Variants in GALNT18 observed in about 807,000 individuals in gnomAD.
GALNT18 encodes the protein polypeptide N-acetylgalactosaminyltransferase 18.
GALNT18 carries 44 observed loss-of-function variants against 69.5 expected under a neutral mutation model. The ratio of observed to expected loss-of-function variants is 0.63; its 90% CI spans 0.50 to 0.81. The LOEUF (loss-of-function observed/expected upper bound fraction) is 0.81. Among genes scored for constraint, GALNT18 ranks in the 40% least tolerant of loss-of-function variants. The pLI is 0.00. For synonymous variants in GALNT18, 364 were observed against 318.2 expected, an observed-to-expected ratio of 1.14 and a Z score of -1.53; for missense variants, 715 against 810.0, an observed-to-expected ratio of 0.88 and a Z score of 1.42.
chr11:11,337,309 C>A lies in GALNT18; in HGVS notation c.1278+3510G>T, dbSNP rs989346431. On this transcript the variant is annotated intron_variant, in intron 7 of 10. Transcript: ENST00000227756. The surrounding 1 kb of genome is among the most constrained non-coding windows in gnomAD (Gnocchi z 4.9). The stretch of plus-strand genomic sequence containing the variant: ...GGCGTCACCAAGCTCTTACCATGCG[C>A]CCTGCCTTGTGCTAGATATAATGAC... Among the ~76,000 whole-genome samples, 1 of 152,196 alleles carries A rather than the reference C, an allele frequency of 6.6e-6. No individual in the cohort carries two copies. Among genetic ancestry groups the A allele is most frequent in the Non-Finnish European group, 1.5e-5 (1 of 68,038 alleles).
intron 2 of GALNT18, among the ~76,000 whole-genome samples, chr11:11,446,572 G>A (rs1293560926): frequency 6.6e-6 from 1 of 152,044 alleles, no homozygotes; most frequent in African/African-American, 2.4e-5. Context: ...TGTGGACTGA[G>A]GCCCCATGAC....
intron 1 of GALNT18, among the ~76,000 whole-genome samples, chr11:11,509,720 C>T (rs1857132534): frequency 6.6e-6 from 1 of 152,244 alleles, no homozygotes; most frequent in Non-Finnish European, 1.5e-5. Flanking sequence ...TGTGCCTAGC[C>T]ACTGGCAGAG....
At chr11:11,484,239 A>G (rs903861683) in intron 1 of GALNT18, among the ~76,000 whole-genome samples, 2 of 152,098 alleles carry the variant, frequency 1.3e-5, no homozygotes, top group Admixed American at 1.3e-4. Context: ...AAATGCAACA[A>G]GCCTACTGCT....
intron 9 of GALNT18, among the ~76,000 whole-genome samples, chr11:11,307,170 G>GA (rs60401000): frequency 0.65 from 98,250 of 151,026 alleles, 32,512 homozygotes; most frequent in Admixed American, 0.77. Context: ...CTGCTCTCAG[G>GA]AAAAAAAAAT....
chr11:11,554,184 G>A (rs1035976057), intron 1 of GALNT18, among the ~76,000 whole-genome samples: 1 of 152,152 alleles, frequency 6.6e-6, no homozygotes, highest in Admixed American at 6.5e-5. Flanking sequence ...CACCTGTGAG[G>A]ACAGCAATGT....
chr11:11,522,255 ACT>A (rs910647685), intron 1 of GALNT18, among the ~76,000 whole-genome samples: 3 of 151,788 alleles, frequency 2.0e-5, no homozygotes, highest in African/African-American at 7.3e-5. Flanking sequence ...TGCCCTACAA[ACT>A]CTATGCCCCA....
rs1347701248 is a variant in GALNT18 at position 11,459,906 on chromosome 11, C to G, written c.236-10970G>C. ...GGTGTTGGTAGGGCCATTCTCCTTT[C>G]TGGAAGCTCTGGAGGAGAGATTCTG... is the stretch of plus-strand genomic sequence containing the variant. On this transcript the variant is annotated intron_variant, in intron 1 of 10. Transcript: ENST00000227756. The surrounding 1 kb of genome is among the most constrained non-coding windows in gnomAD (Gnocchi z 5.0). 6.6e-6 allele frequency among the ~76,000 whole-genome samples: 1 copy of G among 152,190 alleles called. No homozygotes were observed. Among genetic ancestry groups the G allele is most frequent in the Non-Finnish European group, 1.5e-5 (1 of 68,038 alleles).
At chr11:11,557,043 C>A (rs1273654674) in intron 1 of GALNT18, among the ~76,000 whole-genome samples, 1 of 152,186 alleles carries the variant, frequency 6.6e-6, no homozygotes, top group Non-Finnish European at 1.5e-5. Context: ...TGGGTCTTTC[C>A]TAGACAGTCT....
rs1158644202 is a variant in GALNT18 at position 11,564,219 on chromosome 11, A to G, written c.235+57140T>C. Among the ~76,000 whole-genome samples the G allele has an allele frequency of 6.6e-6, 1 of 152,226 alleles. No individual in the cohort carries two copies. The highest frequency in any genetic ancestry group is 1.9e-4 in the East Asian group (1 of 5,194). On this transcript the variant is annotated intron_variant, in intron 1 of 10. Transcript: ENST00000227756. The surrounding 1 kb of genome is among the most constrained non-coding windows in gnomAD (Gnocchi z 4.3). The stretch of plus-strand genomic sequence containing the variant: ...ACGTGTGACTGCAAGTCCCGGGTCC[A>G]TAACCACTGTGCTATACTGCCTTCA...
At position 11,292,946 on chromosome 11, in the gene GALNT18, C is replaced by T. The variant is rs1849328797; in HGVS notation, c.1677+83G>A. On this transcript the variant is annotated intron_variant, in intron 10 of 10. Transcript: ENST00000227756. ...TGTCTCTCCTTCCCCTTCCCCTCTC[C>T]TCCACCACCTCCCTGGCCCCTGAGG... 3 of 1,261,236 alleles carry T rather than the reference C, an allele frequency of 2.4e-6. No homozygotes were observed. In the Admixed American group the frequency reaches 9.2e-5, roughly 38 times the overall value. The allele number at this position is 1,261,236 out of a possible 1,614,324, so 78.1% of individuals were successfully genotyped here.
chr11:11,580,912 T>A (rs1859063595), intron 1 of GALNT18, among the ~76,000 whole-genome samples: 1 of 152,220 alleles, frequency 6.6e-6, no homozygotes, highest in African/African-American at 2.4e-5. Flanking sequence ...ACTTTTGTAA[T>A]CTCCACCGTC....
At chr11:11,401,200 C>G (rs972956077) in intron 3 of GALNT18, among the ~76,000 whole-genome samples, 2 of 152,172 alleles carry the variant, frequency 1.3e-5, no homozygotes, top group Non-Finnish European at 2.9e-5. Context: ...TTTGCAAACC[C>G]AGAAGAGAAT....
At chr11:11,326,898 A>C (rs1849931131) in intron 9 of GALNT18, among the ~76,000 whole-genome samples, 188 bp downstream of exon 9, 1 of 152,130 alleles carries the variant, frequency 6.6e-6, no homozygotes, top group South Asian at 2.1e-4. Context: ...CTTCCAGGCA[A>C]GGCAGGTGTG....
At position 11,620,330 on chromosome 11, in the gene GALNT18, CGCGTGTGTGTGT is replaced by C. The variant is rs1202143005; in HGVS notation, c.235+1017_235+1028del. On this transcript the variant is annotated intron_variant, in intron 1 of 10. Coordinates refer to ENST00000227756, the MANE Select transcript of GALNT18 (RefSeq NM_198516.3). This position sits in a 1 kb window ranked among gnomAD's most constrained non-coding sequence, Gnocchi z 6.9. Reference sequence around the variant, plus strand: ...GTGTGGACGTGAGCGCGCGCGCGCGCGCGTGTGTGTGTGTGTGTGCACACCCGGCACCAGTGC... The same window carrying C: ...GTGTGGACGTGAGCGCGCGCGCGCGCGTGTGTGCACACCCGGCACCAGTGC... 2.3e-5 allele frequency among the ~76,000 whole-genome samples: 3 copies of C among 130,846 alleles called. No homozygotes were observed. Among genetic ancestry groups the C allele is most frequent in the African/African-American group, 8.1e-5 (3 of 37,206 alleles). The allele number at this position is 130,846 out of a possible 152,430, so 85.8% of individuals were successfully genotyped here. A position where few individuals can be genotyped will look rare whatever the true frequency, so the allele number is the denominator to read the frequency against.
rs1858529896 is a variant in GALNT18, at chr11:11,562,314, T to C, written c.235+59045A>G. On this transcript the variant is annotated intron_variant, in intron 1 of 10. Coordinates refer to ENST00000227756, the MANE Select transcript of GALNT18 (RefSeq NM_198516.3). The surrounding 1 kb of genome is among the most constrained non-coding windows in gnomAD (Gnocchi z 4.1). ...TTCATATGCCCCTAGTGTGTGTCTG[T>C]CTGCGTGTCCATGTTTCCCCTTTAG... 6.6e-6 allele frequency among the ~76,000 whole-genome samples: 1 copy of C among 152,170 alleles called. No individual in the cohort carries two copies. The highest frequency in any genetic ancestry group is 2.4e-5 in the African/African-American group (1 of 41,440).
At chr11:11,368,929 A>T (rs954323994) in intron 6 of GALNT18, among the ~76,000 whole-genome samples, 1 of 151,556 alleles carries the variant, frequency 6.6e-6, no homozygotes, top group African/African-American at 2.4e-5. Context: ...ATTCCTTAAA[A>T]CTCTCCCTGT....
At chr11:11,495,646 AC>A (rs1182464903) in intron 1 of GALNT18, among the ~76,000 whole-genome samples, 1 of 152,236 alleles carries the variant, frequency 6.6e-6, no homozygotes, top group Non-Finnish European at 1.5e-5. Context: ...AAGCAGTAAC[AC>A]CCAGAAAGAG....
intron 1 of GALNT18, among the ~76,000 whole-genome samples, chr11:11,577,936 G>T (rs1858965919): frequency 6.6e-6 from 1 of 152,212 alleles, no homozygotes; most frequent in African/African-American, 2.4e-5. Context: ...AAAAGGGCAA[G>T]AAGCAATTTG....
chr11:11,287,278 A>G (rs561567970), intron 10 of GALNT18, among the ~76,000 whole-genome samples: 1 of 152,222 alleles, frequency 6.6e-6, no homozygotes, highest in African/African-American at 2.4e-5. Flanking sequence ...GGGAGCTTGG[A>G]GGACCACATC....
Sources: gnomAD v4.1 joint callset for allele counts (sites outside exome capture counted in the v4.1 genomes callset) on GRCh38, gnomAD v4.1.1 for gene constraint, Gnocchi (gnomAD v3.1) non-coding constraint, MANE v1.5 for transcripts, NCBI Gene and HGNC (gene_info 2026-07-23, HGNC 2026-07-21) for gene names.